MAMLD1: variants seen among roughly 807,000 people sequenced by gnomAD.
MAMLD1 encodes mastermind like domain containing 1.
In MAMLD1, 14 loss-of-function variants were observed where a neutral mutation model predicts 45.0. The ratio of observed to expected loss-of-function variants is 0.31; its 90% CI spans 0.21 to 0.49. MAMLD1 has a LOEUF of 0.49. MAMLD1 is among the 20% of genes least tolerant of loss of function. The pLI is 0.99. For synonymous variants in MAMLD1, 254 were observed against 247.8 expected (o/e 1.02, Z -0.24); for missense variants, 543 against 603.6 (o/e 0.90, Z 1.05).
At chrX:150,487,171 G>A (rs1210182213) in intron 5 of MAMLD1, among the ~76,000 whole-genome samples, 2 of 111,224 alleles carry the variant, frequency 1.8e-5, no homozygotes, top group Non-Finnish European at 3.8e-5. Flanking sequence ...TTATCCTTAT[G>A]GGCCCTTCTG....
In MAMLD1 at chrX:150,513,461, A is replaced by C. The variant is rs960987160; in HGVS notation, c.*1502A>C. 2 of 259,349 alleles carry C rather than the reference A, an allele frequency of 7.7e-6. No individual in the cohort carries two copies. The highest frequency in any genetic ancestry group is 1.2e-4 in the Admixed American group (2 of 16,700). 21.4% of individuals were successfully genotyped at this position (259,349 alleles called of 1,213,427 possible). On this transcript the variant is annotated 3_prime_UTR_variant, in exon 8 of 8. Coordinates refer to ENST00000370401, the MANE Select transcript of MAMLD1 (RefSeq NM_005491.5). ...GTTAAGCTAGGTGGCTGAGTCGCTT[A>C]TGGTTTTAATGCAATGAGCAATGTG...
chrX:150,497,665 T>C (rs2037430059), intron 5 of MAMLD1, among the ~76,000 whole-genome samples: 1 of 110,523 alleles, frequency 9.0e-6, no homozygotes. Flanking sequence ...CAACTTGGAG[T>C]TCTCCTCATT....
At chrX:150,471,841 A>G (rs1262965811) in intron 4 of MAMLD1, among the ~76,000 whole-genome samples, 2 of 112,223 alleles carry the variant, frequency 1.8e-5, no homozygotes, top group African/African-American at 3.2e-5. Flanking sequence ...CCTTCTTAAG[A>G]TGTAAGGAAA....
At chrX:150,421,297 C>T (rs186918600) in intron 1 of MAMLD1, among the ~76,000 whole-genome samples, 3 of 112,312 alleles carry the variant, frequency 2.7e-5, no homozygotes, top group Non-Finnish European at 3.8e-5. Flanking sequence ...GCTTCGCTCG[C>T]GCACGGTGCA....
chrX:150,502,021 A>T (rs1474701746), intron 5 of MAMLD1, among the ~76,000 whole-genome samples: 8 of 112,502 alleles, frequency 7.1e-5, no homozygotes, highest in African/African-American at 1.6e-4. Flanking sequence ...TCCCTTTCTC[A>T]TAGATGGCTA....
chrX:150,435,692 T>C (rs2035102584), intron 1 of MAMLD1, among the ~76,000 whole-genome samples: 1 of 112,693 alleles, frequency 8.9e-6, no homozygotes, highest in Non-Finnish European at 1.9e-5. Flanking sequence ...TGCCTTTCAA[T>C]TGGGGCATGT....
At position 150,462,807 on chromosome X, in the gene MAMLD1, A is replaced by G. The variant is rs2036089831; in HGVS notation, c.132A>G (p.Leu44=). ...CCTCGTGGATGGAGGAAGAAGATTT[A>G]TCTTTTCTCTACAAGAGCAGCCCAG... The part of the protein sequence containing the change: ...KKPSWMEEED[L]SFLYKSSPGR... Residue 44 remains leucine, a synonymous_variant, in exon 3 of 8, where the codon TTA becomes TTG. Coordinates refer to ENST00000370401, the MANE Select transcript of MAMLD1 (RefSeq NM_005491.5). The G allele has an allele frequency of 1.7e-6, 2 of 1,210,984 alleles. No homozygotes were observed. The highest frequency in any genetic ancestry group is 2.2e-6 in the Non-Finnish European group (2 of 894,882).
intron 5 of MAMLD1, among the ~76,000 whole-genome samples, chrX:150,484,348 G>A (rs1351116952): frequency 2.7e-5 from 3 of 112,112 alleles, no homozygotes; most frequent in African/African-American, 9.7e-5. Context: ...ATTTGGAAAT[G>A]TCTGCTTTGG....
At position 150,382,901 on chromosome X, in the gene MAMLD1, A is replaced by ATT. The variant is rs1477501446; in HGVS notation, c.-64+19376_-64+19377dup. 1.7e-3 allele frequency among the ~76,000 whole-genome samples: 69 copies of ATT among 40,115 alleles called. 15 individuals are homozygous for ATT. The East Asian group carries it at 0.031, about 18-fold the overall frequency. 34.8% of individuals were successfully genotyped at this position (40,115 alleles called of 115,157 possible). The stretch of plus-strand genomic sequence containing the variant: ...TTTTATTTTATTTTTTTTTTTTTTT[A>ATT]TTTTTTATTTTTTTTTTTTTTGAGA... On this transcript the variant is annotated intron_variant, in intron 1 of 7. Transcript: ENST00000370401.
At chrX:150,400,885 T>A (rs1300227189) in intron 1 of MAMLD1, among the ~76,000 whole-genome samples, 2 of 108,926 alleles carry the variant, frequency 1.8e-5, no homozygotes, top group African/African-American at 3.4e-5. Flanking sequence ...GATTTTTGCA[T>A]CAATGTTCAT....
intron 1 of MAMLD1, among the ~76,000 whole-genome samples, chrX:150,415,255 C>T (rs2034219958): frequency 8.9e-6 from 1 of 112,614 alleles, no homozygotes. Flanking sequence ...CTTCCAATGC[C>T]CAAGAGAAAC....
Position 150,471,506 on chromosome X carries a change from A to C in MAMLD1, c.1917+16A>C, listed in dbSNP as rs782799739. The C allele has an allele frequency of 6.6e-6, 8 of 1,209,989 alleles. No individual in the cohort carries two copies. In the African/African-American group the frequency reaches 1.0e-4, roughly 16 times the overall value. On this transcript the variant is annotated intron_variant, in intron 4 of 7. Coordinates refer to ENST00000370401, the MANE Select transcript of MAMLD1 (RefSeq NM_005491.5). ...GCCCAGACAGGTAAGACAATCTCAT[A>C]TCTGGCTGTGTTCTTTTGTTTTGGA...
chrX:150,382,907 T>A (rs1488729524), intron 1 of MAMLD1, among the ~76,000 whole-genome samples: 15 of 50,570 alleles, frequency 3.0e-4, no homozygotes, highest in Admixed American at 8.5e-4. Flanking sequence ...TTTTATTTTT[T>A]ATTTTTTTTT....
At chrX:150,389,581 A>G (rs2033086983) in intron 1 of MAMLD1, among the ~76,000 whole-genome samples, 1 of 112,112 alleles carries the variant, frequency 8.9e-6, no homozygotes, top group Non-Finnish European at 1.9e-5. Context: ...ATGTTCTATG[A>G]ACACTTGAAA....
At chrX:150,405,343 T>C (rs1390782165) in intron 1 of MAMLD1, among the ~76,000 whole-genome samples, 1 of 110,874 alleles carries the variant, frequency 9.0e-6, no homozygotes, top group Non-Finnish European at 1.9e-5. Context: ...TAGGGCTGCA[T>C]TGGGAATAGG....
upstream of MAMLD1, among the ~76,000 whole-genome samples, chrX:150,362,607 G>T (rs782522451): frequency 1.4e-4 from 16 of 111,430 alleles, no homozygotes; most frequent in South Asian, 4.3e-3. Flanking sequence ...CTCTCGCCCT[G>T]TCACTGATGA....
chrX:150,375,724 C>T (rs1557401457), intron 1 of MAMLD1, among the ~76,000 whole-genome samples: 1 of 106,411 alleles, frequency 9.4e-6, no homozygotes, highest in African/African-American at 3.5e-5. Flanking sequence ...GTGCTTAGCA[C>T]AGGGTCACTA....
chrX:150,371,079 G>C (rs5925531), intron 1 of MAMLD1, among the ~76,000 whole-genome samples: 28,450 of 109,720 alleles, frequency 0.26, 2,880 homozygotes, highest in African/African-American at 0.35. Context: ...GAGGACCCCC[G>C]ACCCACCCAC....
intron 1 of MAMLD1, among the ~76,000 whole-genome samples, chrX:150,398,260 GAAGAAGA>G (rs2033523952): frequency 3.8e-5 from 1 of 26,516 alleles, no homozygotes; most frequent in East Asian, 1.5e-3. Context: ...AGGAGAAGAA[GAAGAAGA>G]AGAAGAAGAA....
Sources: allele counts gnomAD v4.1 joint callset (sites outside exome capture counted in the v4.1 genomes callset), GRCh38; gene constraint gnomAD v4.1.1; transcripts MANE v1.5; gene names NCBI Gene and HGNC (gene_info 2026-07-23, HGNC 2026-07-21).